SRFBP1: variants seen among roughly 807,000 people sequenced by gnomAD.
SRFBP1 encodes the protein serum response factor binding protein 1, also known as serum response factor-binding protein 1.
A neutral mutation model predicts 45.5 loss-of-function variants in SRFBP1; 47 were observed. The ratio of observed to expected loss-of-function variants is 1.03; its 90% CI spans 0.82 to 1.32. SRFBP1 has a LOEUF of 1.32. Among genes scored for constraint, SRFBP1 ranks in the 40% most tolerant of loss-of-function variants. The pLI, the probability that SRFBP1 is intolerant of heterozygous loss-of-function variation, is 0.00. For missense variants in SRFBP1, 621 were observed against 484.6 expected (o/e 1.28, Z -2.64); for synonymous variants, 203 against 166.3 (o/e 1.22, Z -1.70).
At chr5:122,046,175 C>A (rs1753853281) in intron 2 of SRFBP1, among the ~76,000 whole-genome samples, 1 of 152,044 alleles carries the variant, frequency 6.6e-6, no homozygotes, top group Non-Finnish European at 1.5e-5. Context: ...TTAGGTATAT[C>A]TCCTAATGCT....
At chr5:121,998,535 G>C (rs1752783235) in intron 4 of SRFBP1, among the ~76,000 whole-genome samples, 1 of 114,878 alleles carries the variant, frequency 8.7e-6, no homozygotes, top group Non-Finnish European at 1.7e-5. Context: ...GGAGGGGGGA[G>C]GGATAGCATT....
At chr5:122,066,904 T>C (rs1178752447) in intron 2 of SRFBP1, among the ~76,000 whole-genome samples, 2 of 152,136 alleles carry the variant, frequency 1.3e-5, no homozygotes, top group Non-Finnish European at 1.5e-5. Flanking sequence ...CAGTAGTACA[T>C]CATTTTAATA....
At chr5:122,056,105 G>A (rs374338211) in intron 2 of SRFBP1, among the ~76,000 whole-genome samples, 4 of 152,142 alleles carry the variant, frequency 2.6e-5, no homozygotes, top group African/African-American at 4.8e-5. Flanking sequence ...TTTCTTGTCC[G>A]TTTTCTTTTT....
intron 3 of SRFBP1, 99 bp downstream of exon 3, chr5:121,975,486 G>C: frequency 2.3e-6 from 3 of 1,296,332 alleles, no homozygotes; most frequent in Non-Finnish European, 3.3e-6. Flanking sequence ...ATATTCCCGA[G>C]AGTTGCGTAA....
intron 7 of SRFBP1, among the ~76,000 whole-genome samples, chr5:122,025,118 C>G (rs1046906192): frequency 4.6e-5 from 7 of 152,090 alleles, no homozygotes; most frequent in Non-Finnish European, 7.4e-5. Context: ...CCACTCCCCC[C>G]ACCCCACAAC....
chr5:122,071,193 A>ATGTGTGTGTG (rs35544795), intron 2 of SRFBP1, among the ~76,000 whole-genome samples: 11 of 149,820 alleles, frequency 7.3e-5, no homozygotes, highest in African/African-American at 2.7e-4. Flanking sequence ...AAACATTTAT[A>ATGTGTGTGTG]TGTGTGTGTG....
chr5:122,070,258 G>A, intron 2 of SRFBP1: 1 of 794,000 alleles, frequency 1.3e-6, no homozygotes. Context: ...AATCAAGCAG[G>A]GAAGGGATTT....
In SRFBP1 at chr5:122,049,158, T is replaced by C. The variant is rs1467976740; in HGVS notation, n.312-26157T>C. 2.0e-5 allele frequency among the ~76,000 whole-genome samples: 3 copies of C among 152,062 alleles called. No individual in the cohort carries two copies. In the East Asian group the frequency reaches 5.8e-4, roughly 29 times the overall value. On this transcript the variant is annotated intron_variant and non_coding_transcript_variant, in intron 2 of 2. Transcript: ENST00000504881. Reference sequence around the variant, plus strand: ...GATGTTAGGGTGTCAATACATAGGCTCAAAATAAAGTGATGGAGGAAGATC... The same window carrying C: ...GATGTTAGGGTGTCAATACATAGGCCCAAAATAAAGTGATGGAGGAAGATC...
chr5:122,008,713 A>G (rs1055671132), intron 4 of SRFBP1, among the ~76,000 whole-genome samples: 2 of 152,020 alleles, frequency 1.3e-5, no homozygotes, highest in Non-Finnish European at 2.9e-5. Context: ...TGCAGGTATG[A>G]GCCCTAGAGA....
chr5:122,049,061 A>G (rs140112489), intron 2 of SRFBP1, among the ~76,000 whole-genome samples: 4,238 of 151,904 alleles, frequency 0.028, 213 homozygotes, highest in African/African-American at 0.097. Context: ...TTCTGCTCTG[A>G]TCTTAGTTAT....
rs116441009 is a variant in SRFBP1 at position 121,981,726 on chromosome 5, G to A, written c.198+6339G>A. ...TTACTTGCTCTAGGAAACTTTCCCTGGCACTTCTGCTCTAATCCCAGAAGA... is the reference window on the plus strand; with the variant it reads ...TTACTTGCTCTAGGAAACTTTCCCTAGCACTTCTGCTCTAATCCCAGAAGA... On this transcript the variant is annotated intron_variant, in intron 3 of 7. Coordinates refer to ENST00000339397, the MANE Select transcript of SRFBP1 (RefSeq NM_152546.3). Among the ~76,000 whole-genome samples, 301 of 151,872 alleles carry A rather than the reference G, an allele frequency of 2.0e-3. 2 individuals are homozygous for A. Among genetic ancestry groups the A allele is most frequent in the African/African-American group, 6.9e-3 (285 of 41,448 alleles).
At chr5:122,040,803 A>G (rs1753761293) in intron 2 of SRFBP1, among the ~76,000 whole-genome samples, 1 of 152,146 alleles carries the variant, frequency 6.6e-6, no homozygotes, top group East Asian at 1.9e-4. Context: ...TCTGCACTTT[A>G]ATACCTGCAA....
chr5:122,046,388 A>T (rs1014820220), intron 2 of SRFBP1, among the ~76,000 whole-genome samples: 1 of 152,124 alleles, frequency 6.6e-6, no homozygotes, highest in Non-Finnish European at 1.5e-5. Context: ...ATCAGTTTTT[A>T]TGGCTGCATA....
intron 2 of SRFBP1, among the ~76,000 whole-genome samples, chr5:122,050,804 G>A (rs1045972540): frequency 1.3e-5 from 2 of 151,768 alleles, no homozygotes; most frequent in African/African-American, 4.8e-5. Flanking sequence ...TTTGGGATTG[G>A]CATGCTCTTG....
chr5:122,040,561 A>T (rs916521161), intron 2 of SRFBP1, among the ~76,000 whole-genome samples: 2 of 152,160 alleles, frequency 1.3e-5, no homozygotes, highest in African/African-American at 4.8e-5. Context: ...TGAATACTCA[A>T]TGCTTAGCTT....
chr5:122,058,028 C>T (rs935589664), intron 2 of SRFBP1, among the ~76,000 whole-genome samples: 2 of 151,920 alleles, frequency 1.3e-5, no homozygotes, highest in Non-Finnish European at 2.9e-5. Context: ...AATTATTGCC[C>T]AAGAGGAATT....
downstream of SRFBP1, among the ~76,000 whole-genome samples, chr5:122,078,707 A>T (rs757727281): frequency 6.6e-6 from 1 of 152,202 alleles, no homozygotes; most frequent in Non-Finnish European, 1.5e-5. Context: ...TCCATAAAAG[A>T]GTTAACCAGA....
chr5:121,989,774 A>G (rs1752585635), intron 3 of SRFBP1, among the ~76,000 whole-genome samples: 1 of 152,196 alleles, frequency 6.6e-6, no homozygotes, highest in South Asian at 2.1e-4. Flanking sequence ...TCTTTTAAGT[A>G]GTGTTTTACC....
chr5:122,061,117 C>G (rs1754162621), intron 2 of SRFBP1, among the ~76,000 whole-genome samples: 1 of 150,528 alleles, frequency 6.6e-6, no homozygotes, highest in African/African-American at 2.4e-5. Flanking sequence ...TTGCAGATCA[C>G]TAGCTGGTAG....
Sources: gnomAD v4.1 joint callset for allele counts (sites outside exome capture counted in the v4.1 genomes callset) on GRCh38, gnomAD v4.1.1 for gene constraint, MANE v1.5 for transcripts, NCBI Gene and HGNC (gene_info 2026-07-23, HGNC 2026-07-21) for gene names.